FRAS1: variants seen among roughly 807,000 people sequenced by gnomAD.
The protein encoded by FRAS1 is Fraser extracellular matrix complex subunit 1, also known as extracellular matrix organizing protein FRAS1.
A neutral mutation model predicts 435.2 loss-of-function variants in FRAS1; 290 were observed. The ratio of observed to expected loss-of-function variants is 0.67; its 90% CI spans 0.61 to 0.73. The LOEUF (loss-of-function observed/expected upper bound fraction) is 0.73. Among genes scored for constraint, FRAS1 ranks in the 30% least tolerant of loss-of-function variants. The pLI, the probability that FRAS1 is intolerant of heterozygous loss-of-function variation, is 0.00. For missense variants in FRAS1, 4,860 were observed against 5,001.5 expected, an observed-to-expected ratio of 0.97 and a Z score of 0.85; for synonymous variants, 1,800 against 1,851.0, an observed-to-expected ratio of 0.97 and a Z score of 0.71.
At chr4:78,469,889 C>T in intron 50 of FRAS1, 89 bp from the exon 51 acceptor site, 1 of 920,044 alleles carries the variant, frequency 1.1e-6, no homozygotes, top group Non-Finnish European at 1.8e-6. Context: ...TGTTAGCAGA[C>T]TTCAGAGGTT....
Position 78,482,470 on chromosome 4 carries a change from C to T in FRAS1, c.8687C>T (p.Ala2896Val). 6.2e-7 allele frequency: 1 copy of T among 1,613,928 alleles called. No homozygotes were observed. Among genetic ancestry groups the T allele is most frequent in the Non-Finnish European group, 8.5e-7 (1 of 1,179,814 alleles). Reference sequence around the variant, plus strand: ...ACATTTGTGGTTTTCCTCAGCTCAGCACAAGGAGCCGAACTGACCAAACCC... The same window carrying T: ...ACATTTGTGGTTTTCCTCAGCTCAGTACAAGGAGCCGAACTGACCAAACCC... ...LETFVVFLSS[A>V]QGAELTKPFQ... The change falls in exon 58 of 74, where the codon GCA (alanine) becomes GTA (valine). Residue 2896 changes from alanine (A) to valine (V), a missense_variant. Physicochemically the swap from Ala to Val is moderately conservative, Grantham distance 64 (BLOSUM62 0). Transcript: ENST00000512123.
intron 2 of FRAS1, among the ~76,000 whole-genome samples, chr4:78,233,803 C>T (rs1207185045): frequency 6.6e-6 from 1 of 152,226 alleles, no homozygotes; most frequent in Non-Finnish European, 1.5e-5. Context: ...AGCCTGAGTC[C>T]TTAGGTCTCC....
In FRAS1 at chr4:78,466,530, C is replaced by T. The variant is rs1023086418; in HGVS notation, c.7257+95C>T. 1.3e-5 allele frequency: 12 copies of T among 919,066 alleles called. 1 individual carries two copies. In the South Asian group the frequency reaches 1.4e-4, roughly 11 times the overall value. The allele number at this position is 919,066 out of a possible 1,614,324, so 56.9% of individuals were successfully genotyped here. ...TCAAGCATACCATTGTTTGAGTTCT[C>T]GTTCTATCAGTAGCTAGTAGATTGA... On this transcript the variant is annotated intron_variant, in intron 50 of 73. Coordinates refer to ENST00000512123, the MANE Select transcript of FRAS1 (RefSeq NM_025074.7).
chr4:78,310,364 T>C (rs1728967479), intron 15 of FRAS1, among the ~76,000 whole-genome samples: 1 of 152,170 alleles, frequency 6.6e-6, no homozygotes, highest in Non-Finnish European at 1.5e-5. Context: ...ATTATCTGGA[T>C]TGAGAAGACA....
Position 78,513,387 on chromosome 4 carries a change from C to G in FRAS1, c.10014-5C>G. ...AAACATTTATTTCTGCCTTTTTCCC[C>G]CTAGAATCCACATTTCGGTGCAGAT... is the stretch of plus-strand genomic sequence containing the variant. On this transcript the variant is annotated splice_region_variant and splice_polypyrimidine_tract_variant and intron_variant, in intron 64 of 73. Coordinates refer to ENST00000512123, the MANE Select transcript of FRAS1 (RefSeq NM_025074.7). The G allele has an allele frequency of 6.2e-7, 1 of 1,613,246 alleles. No individual in the cohort carries two copies. The highest frequency in any genetic ancestry group is 8.5e-7 in the Non-Finnish European group (1 of 1,179,568).
At chr4:78,405,023 A>G (rs1733047406) in intron 30 of FRAS1, among the ~76,000 whole-genome samples, 1 of 152,152 alleles carries the variant, frequency 6.6e-6, no homozygotes, top group South Asian at 2.1e-4. Context: ...GAATCCCTCC[A>G]TTCCTGAAGG....
intron 2 of FRAS1, among the ~76,000 whole-genome samples, chr4:78,115,257 C>A (rs1267342478): frequency 2.0e-5 from 3 of 152,130 alleles, no homozygotes; most frequent in Non-Finnish European, 1.5e-5. Context: ...ATTTTTGCAT[C>A]CATGTTCATC....
At chr4:78,492,167 T>G (rs1350942238) in intron 59 of FRAS1, among the ~76,000 whole-genome samples, 1 of 151,680 alleles carries the variant, frequency 6.6e-6, no homozygotes, top group African/African-American at 2.4e-5. Context: ...AATGGAAAAA[T>G]ATTCCATGCT....
chr4:78,181,500 C>T, intron 2 of FRAS1: 1 of 1,611,690 alleles, frequency 6.2e-7, no homozygotes, highest in Non-Finnish European at 8.5e-7. Flanking sequence ...TCAAATCCAT[C>T]TCCTCGGCCC....
At chr4:78,463,582 C>T (rs1417053663) in intron 47 of FRAS1, among the ~76,000 whole-genome samples, 2 of 152,084 alleles carry the variant, frequency 1.3e-5, no homozygotes, top group Non-Finnish European at 2.9e-5. Flanking sequence ...TGTAGCCAAG[C>T]CCTGTAACGT....
At chr4:78,141,511 A>C (rs1313036117) in intron 2 of FRAS1, among the ~76,000 whole-genome samples, 1 of 152,188 alleles carries the variant, frequency 6.6e-6, no homozygotes, top group East Asian at 1.9e-4. Context: ...GCTTAAAGGC[A>C]TAAGAAAGTT....
At chr4:78,431,800 A>G (rs1734231198) in intron 37 of FRAS1, among the ~76,000 whole-genome samples, 1 of 152,156 alleles carries the variant, frequency 6.6e-6, no homozygotes, top group Non-Finnish European at 1.5e-5. Context: ...TTTTTACATA[A>G]TGCCGATCAA....
intron 2 of FRAS1, among the ~76,000 whole-genome samples, chr4:78,088,633 C>T (rs1487089825): frequency 2.0e-5 from 3 of 152,192 alleles, no homozygotes; most frequent in East Asian, 1.9e-4. Flanking sequence ...TGAACAGACA[C>T]TTCTCAAAAG....
rs766748483 is a variant in FRAS1 at position 78,065,967 on chromosome 4, T to C, written c.77-18T>C. 37 of 1,598,958 alleles carry C rather than the reference T, an allele frequency of 2.3e-5. No individual in the cohort carries two copies. Among genetic ancestry groups the C allele is most frequent in the Non-Finnish European group, 3.2e-5 (37 of 1,167,522 alleles). On this transcript the variant is annotated intron_variant, in intron 1 of 73. Transcript: ENST00000512123. ...TATTATGCATCCCTTTTAATTCTTGTTTTGTTTTTCCCCACAGGTGCTTGT... is the reference window on the plus strand; with the variant it reads ...TATTATGCATCCCTTTTAATTCTTGCTTTGTTTTTCCCCACAGGTGCTTGT...
intron 2 of FRAS1, among the ~76,000 whole-genome samples, chr4:78,098,491 T>A (rs931304703): frequency 2.6e-5 from 4 of 152,102 alleles, no homozygotes; most frequent in South Asian, 2.1e-4. Flanking sequence ...GCCAGGCTGG[T>A]CTTGAGCTCC....
At chr4:78,354,610 C>T (rs1297075357) in intron 20 of FRAS1, among the ~76,000 whole-genome samples, 1 of 152,154 alleles carries the variant, frequency 6.6e-6, no homozygotes, top group East Asian at 1.9e-4. Flanking sequence ...TGAGTTTTGG[C>T]ATGAAATCAT....
At chr4:78,195,290 C>T (rs919855060) in intron 2 of FRAS1, among the ~76,000 whole-genome samples, 2 of 152,246 alleles carry the variant, frequency 1.3e-5, no homozygotes, top group South Asian at 2.1e-4. Context: ...CCACTGCTCT[C>T]CTCAAAGCTG....
Position 78,274,870 on chromosome 4 carries a change from G to T in FRAS1, c.982-3785G>T, listed in dbSNP as rs557496887. Among the ~76,000 whole-genome samples, 42 of 152,282 alleles carry T rather than the reference G, an allele frequency of 2.8e-4. No individual in the cohort carries two copies. The East Asian group carries it at 5.6e-3, about 20-fold the overall frequency. On this transcript the variant is annotated intron_variant, in intron 9 of 73. Coordinates refer to ENST00000512123, the MANE Select transcript of FRAS1 (RefSeq NM_025074.7). ...CTGAGTTCAATTCCTGGATATTCTT[G>T]TTAACTTTCTGTCTCGTTGATCTGT...
chr4:78,152,043 A>T (rs1039472427), intron 2 of FRAS1, among the ~76,000 whole-genome samples: 1 of 152,276 alleles, frequency 6.6e-6, no homozygotes, highest in African/African-American at 2.4e-5. Flanking sequence ...ACTGTTCTGA[A>T]CCAGGACTGA....
Sources: gnomAD v4.1 joint callset for allele counts (sites outside exome capture counted in the v4.1 genomes callset) on GRCh38, gnomAD v4.1.1 for gene constraint, MANE v1.5 for transcripts, NCBI Gene and HGNC (gene_info 2026-07-23, HGNC 2026-07-21) for gene names.